CELF5: variants seen among roughly 807,000 people sequenced by gnomAD.
CELF5 encodes CUGBP Elav-like family member 5, also known as CUG-BP and ETR-3 like factor 5.
Under a neutral mutation model 54.9 loss-of-function variants are expected in CELF5, and 6 were observed. That is an observed-to-expected ratio of 0.11 (90% CI 0.06 to 0.22). CELF5 has a LOEUF of 0.22. CELF5 is among the 10% of genes least tolerant of loss of function. CELF5 has a pLI of 1.00. For missense variants in CELF5, 401 were observed against 678.6 expected, an observed-to-expected ratio of 0.59 and a Z score of 4.54; for synonymous variants, 271 against 290.9, an observed-to-expected ratio of 0.93 and a Z score of 0.70.
intron 2 of CELF5, among the ~76,000 whole-genome samples, chr19:3,256,425 T>G (rs944973189): frequency 6.6e-6 from 1 of 152,046 alleles, no homozygotes; most frequent in African/African-American, 2.4e-5. Context: ...ATCTGACTTA[T>G]GACAGAATGA....
intron 2 of CELF5, among the ~76,000 whole-genome samples, chr19:3,271,068 C>A (rs928982216): frequency 6.6e-6 from 1 of 151,530 alleles, no homozygotes; most frequent in African/African-American, 2.4e-5. Context: ...CCCTAAGAGG[C>A]GGTTTCCATG....
In CELF5 at chr19:3,284,929, T is replaced by C. The variant is rs2145280803; in HGVS notation, c.1067T>C (p.Leu356Pro). ...PAQSPTVAET[L>P]HPAFSGVQQY... The stretch of plus-strand genomic sequence containing the variant: ...CAGAGCCCGACTGTGGCCGAGACAC[T>C]GCATCCTGCCTTCTCCGGAGTCCAG... The change falls in exon 9 of 13, where the codon CTG (leucine) becomes CCG (proline). Residue 356 changes from leucine to proline, a missense_variant. Around this residue, in one of 6 missense-constraint regions of CELF5, gnomAD observed 143 missense variants for 147.6 expected, o/e 0.97. Coordinates refer to ENST00000292672, the MANE Select transcript of CELF5 (RefSeq NM_021938.4). 1 of 1,612,814 alleles carries C rather than the reference T, an allele frequency of 6.2e-7. No individual in the cohort carries two copies.
intron 1 of CELF5, among the ~76,000 whole-genome samples, chr19:3,234,420 G>T (rs999703286): frequency 3.9e-5 from 6 of 152,186 alleles, no homozygotes; most frequent in African/African-American, 1.2e-4. Context: ...CTCAATGGGA[G>T]TTATTCTAGG....
At chr19:3,289,774 A>G (rs2080313296) in intron 10 of CELF5, among the ~76,000 whole-genome samples, 3 of 148,612 alleles carry the variant, frequency 2.0e-5, no homozygotes, top group Non-Finnish European at 4.4e-5. Flanking sequence ...TTTTAGAGAC[A>G]TTATTATTAT....
intron 5 of CELF5, among the ~76,000 whole-genome samples, chr19:3,280,820 T>C (rs1308544007): frequency 3.3e-5 from 5 of 152,078 alleles, no homozygotes; most frequent in African/African-American, 1.2e-4. Context: ...CTGTTTTCCT[T>C]CGGAAGCTGG....
intron 9 of CELF5, among the ~76,000 whole-genome samples, chr19:3,285,663 G>GCCCC (rs1195384665): frequency 1.5e-4 from 2 of 12,980 alleles, no homozygotes; most frequent in African/African-American, 5.6e-4. Context: ...CATGGGGTCC[G>GCCCC]CCCCCACCCC....
Position 3,281,393 on chromosome 19 carries a change from GTCTCTGTCTAC to G in CELF5, c.750+57_750+67del, listed in dbSNP as rs767655191. On this transcript the variant is annotated intron_variant, in intron 6 of 12. Transcript: ENST00000292672. The surrounding 1 kb of genome is among the most constrained non-coding windows in gnomAD (Gnocchi z 6.5). Reference sequence around the variant, plus strand: ...CGGGGCTCCGGCTCCGTCTCTCTCAGTCTCTGTCTACTCTCTGTCGGGCTCCTGCCTCTCCC... The same window carrying G: ...CGGGGCTCCGGCTCCGTCTCTCTCAGTCTCTGTCGGGCTCCTGCCTCTCCC... 78 of 1,568,202 alleles carry G rather than the reference GTCTCTGTCTAC, an allele frequency of 5.0e-5. No homozygotes were observed. The African/African-American group carries it at 9.9e-4, about 20-fold the overall frequency.
At chr19:3,259,058 G>A (rs2079771376) in intron 2 of CELF5, among the ~76,000 whole-genome samples, 1 of 152,146 alleles carries the variant, frequency 6.6e-6, no homozygotes, top group South Asian at 2.1e-4. Context: ...TGGACAGGGT[G>A]GCTTCTTGAA....
At position 3,278,166 on chromosome 19, in the gene CELF5, A is replaced by C. The variant is rs2080087467; in HGVS notation, c.603+56A>C. On this transcript the variant is annotated intron_variant, in intron 5 of 12. Coordinates refer to ENST00000292672, the MANE Select transcript of CELF5 (RefSeq NM_021938.4). The surrounding 1 kb of genome is among the most constrained non-coding windows in gnomAD (Gnocchi z 4.5). ...TGGGGGTGGGAAAGGGGTGAGGGGGACAGGGATGAAACAGGCCATATTCCT... is the reference window on the plus strand; with the variant it reads ...TGGGGGTGGGAAAGGGGTGAGGGGGCCAGGGATGAAACAGGCCATATTCCT... 1 of 1,111,072 alleles carries C rather than the reference A, an allele frequency of 9.0e-7. No homozygotes were observed. The highest frequency in any genetic ancestry group is 1.5e-5 in the African/African-American group (1 of 64,812). The allele number at this position is 1,111,072 out of a possible 1,614,324, so 68.8% of individuals were successfully genotyped here.
intron 11 of CELF5, among the ~76,000 whole-genome samples, chr19:3,290,586 CAG>C (rs1295456984): frequency 1.5e-5 from 2 of 137,214 alleles, no homozygotes; most frequent in East Asian, 2.2e-4. Flanking sequence ...TTTTTTGAGA[CAG>C]AGTCTCGCTC....
intron 1 of CELF5, among the ~76,000 whole-genome samples, chr19:3,238,143 C>T (rs1479008198): frequency 6.6e-6 from 1 of 152,084 alleles, no homozygotes; most frequent in Non-Finnish European, 1.5e-5. Flanking sequence ...CATTTGAGGT[C>T]AGGAGTTCAA....
intron 5 of CELF5, among the ~76,000 whole-genome samples, chr19:3,280,457 C>A (rs2080130615): frequency 6.6e-6 from 1 of 152,016 alleles, no homozygotes; most frequent in Non-Finnish European, 1.5e-5. Context: ...CACCTGTAAT[C>A]CCAGCTACTC....
intron 11 of CELF5, 28 bp downstream of exon 11, chr19:3,290,402 C>T: frequency 6.2e-7 from 1 of 1,611,000 alleles, no homozygotes; most frequent in East Asian, 2.2e-5. Flanking sequence ...CCACCCCTCC[C>T]CATCCACCTC....
rs979641198 is a variant in CELF5 at position 3,224,702 on chromosome 19, CCCG to C, written c.-22_-20del. Reference sequence around the variant, plus strand: ...GCTCCAGCTGCGAGTCCGCCCGCCGCCCGCCGCCGCCGCCGCCGGCTCGGTCCC... The same window carrying C: ...GCTCCAGCTGCGAGTCCGCCCGCCGCCCGCCGCCGCCGCCGGCTCGGTCCC... On this transcript the variant is annotated 5_prime_UTR_variant, in exon 1 of 13. Transcript: ENST00000292672. The C allele has an allele frequency of 3.6e-4, 354 of 991,896 alleles. No individual in the cohort carries two copies. Among genetic ancestry groups the C allele is most frequent in the East Asian group, 1.8e-3 (17 of 9,676 alleles). 61.4% of individuals were successfully genotyped at this position (991,896 alleles called of 1,614,324 possible). A position where few individuals can be genotyped will look rare whatever the true frequency, so the allele number is the denominator to read the frequency against.
chr19:3,291,571 CAA>C (rs34331089), intron 11 of CELF5, among the ~76,000 whole-genome samples: 5 of 85,204 alleles, frequency 5.9e-5, no homozygotes, highest in Admixed American at 1.5e-4. Flanking sequence ...GACTCCGACT[CAA>C]AAAAAAAAAA....
intron 9 of CELF5, 33 bp from the exon 10 acceptor site, chr19:3,285,909 T>G (rs765270219): frequency 5.3e-6 from 6 of 1,129,116 alleles, no homozygotes; most frequent in Non-Finnish European, 6.7e-6. Context: ...CTCACGCCCC[T>G]CCTCGCCCTG....
intron 1 of CELF5, chr19:3,225,577 C>T (rs1916858894): frequency 2.0e-6 from 2 of 982,668 alleles, no homozygotes; most frequent in African/African-American, 1.8e-5. Flanking sequence ...GGGGCAGGTC[C>T]GGCCGCGGGG....
chr19:3,275,366 C>A lies in CELF5; in HGVS notation c.395-490C>A, dbSNP rs914456152. 1.3e-5 allele frequency among the ~76,000 whole-genome samples: 2 copies of A among 152,232 alleles called. No individual in the cohort carries two copies. Among genetic ancestry groups the A allele is most frequent in the Non-Finnish European group, 2.9e-5 (2 of 68,036 alleles). On this transcript the variant is annotated intron_variant, in intron 3 of 12. Coordinates refer to ENST00000292672, the MANE Select transcript of CELF5 (RefSeq NM_021938.4). This position sits in a 1 kb window ranked among gnomAD's most constrained non-coding sequence, Gnocchi z 6.7. ...CCCTCTTGATCCCGACAAAGTTGGG[C>A]AGGGGCCTCTGCTGGGCACCGTGAA...
Position 3,296,895 on chromosome 19 carries a change from G to A in CELF5, c.*178G>A, listed in dbSNP as rs1307958268. 1.3e-5 allele frequency: 2 copies of A among 151,748 alleles called. No homozygotes were observed. The highest frequency in any genetic ancestry group is 1.5e-5 in the Non-Finnish European group (1 of 67,938). 9.4% of individuals were successfully genotyped at this position (151,748 alleles called of 1,614,324 possible). A position where few individuals can be genotyped will look rare whatever the true frequency, so the allele number is the denominator to read the frequency against. On this transcript the variant is annotated 3_prime_UTR_variant, in exon 13 of 13. Coordinates refer to ENST00000292672, the MANE Select transcript of CELF5 (RefSeq NM_021938.4). ...AGAACTTGGAACTTTGGGTTGACTC[G>A]GTTTGAGTTTTGTGTCAAAGAAGAT... is the stretch of plus-strand genomic sequence containing the variant.
Sources: allele counts gnomAD v4.1 joint callset (sites outside exome capture counted in the v4.1 genomes callset), GRCh38; gene constraint gnomAD v4.1.1; regional missense constraint gnomAD v4.1.1; non-coding constraint Gnocchi (gnomAD v3.1); transcripts MANE v1.5; gene names NCBI Gene and HGNC (gene_info 2026-07-23, HGNC 2026-07-21).